The following CCDC6 variants were observed in gnomAD, a reference collection of about 807,000 sequenced individuals.
The protein encoded by CCDC6 is coiled-coil domain containing 6, also known as coiled-coil domain-containing protein 6.
Under a neutral mutation model 56.6 loss-of-function variants are expected in CCDC6, and 20 were observed. That is an observed-to-expected ratio of 0.35 (90% CI 0.25 to 0.51). The LOEUF (loss-of-function observed/expected upper bound fraction) is 0.51, where lower values mean the gene tolerates loss of function less well. Among genes scored for constraint, CCDC6 ranks in the 20% least tolerant of loss-of-function variants. CCDC6 has a pLI of 0.95. For synonymous variants in CCDC6, 241 were observed against 234.4 expected, an observed-to-expected ratio of 1.03 and a Z score of -0.26; for missense variants, 367 against 601.1, an observed-to-expected ratio of 0.61 and a Z score of 4.07.
intron 1 of CCDC6, among the ~76,000 whole-genome samples, chr10:59,864,481 A>G (rs1056823953): frequency 5.3e-5 from 8 of 152,196 alleles, no homozygotes; most frequent in African/African-American, 1.9e-4. Context: ...TTATTAATAT[A>G]CTAAGATGTG....
intron 1 of CCDC6, among the ~76,000 whole-genome samples, chr10:59,874,131 A>G (rs907391409): frequency 6.6e-6 from 1 of 151,652 alleles, no homozygotes; most frequent in African/African-American, 2.4e-5. Flanking sequence ...ACACACACAC[A>G]CACACACACA....
At chr10:59,818,400 T>C (rs1217376414) in intron 3 of CCDC6, among the ~76,000 whole-genome samples, 2 of 149,668 alleles carry the variant, frequency 1.3e-5, no homozygotes, top group African/African-American at 4.9e-5. Context: ...TTTATTTCCA[T>C]GATGCAGGCA....
At chr10:59,883,282 T>G (rs2071359596) in intron 1 of CCDC6, among the ~76,000 whole-genome samples, 1 of 152,208 alleles carries the variant, frequency 6.6e-6, no homozygotes, top group African/African-American at 2.4e-5. Flanking sequence ...AATGTGATAC[T>G]GGAAGCTATG....
At chr10:59,808,723 C>T (rs926879582) in intron 5 of CCDC6, among the ~76,000 whole-genome samples, 61 of 152,250 alleles carry the variant, frequency 4.0e-4, no homozygotes, top group African/African-American at 1.5e-3. Context: ...CATTTTTCTC[C>T]CACAGACTGA....
intron 7 of CCDC6, among the ~76,000 whole-genome samples, chr10:59,800,307 T>C (rs1319539726): frequency 1.3e-5 from 2 of 152,258 alleles, no homozygotes; most frequent in African/African-American, 4.8e-5. Flanking sequence ...TCAACCATCC[T>C]TATCCTTCTA....
intron 7 of CCDC6, among the ~76,000 whole-genome samples, chr10:59,795,788 T>C (rs940979888): frequency 5.9e-5 from 9 of 152,102 alleles, no homozygotes; most frequent in African/African-American, 1.7e-4. Flanking sequence ...CATCCATGTC[T>C]CTACAAAGGA....
In CCDC6 at chr10:59,882,473, C is replaced by CGGGG. The variant is rs763665186; in HGVS notation, c.303+23648_303+23649insCCCC. Among the ~76,000 whole-genome samples, 5 of 7,272 alleles carry CGGGG rather than the reference C, an allele frequency of 6.9e-4. 1 individual carries two copies. Among genetic ancestry groups the CGGGG allele is most frequent in the Admixed American group, 1.7e-3 (1 of 576 alleles). The allele number at this position is 7,272 out of a possible 152,430, so 4.8% of individuals were successfully genotyped here. ...GCCGGCGGGAGAAGGAAAGGAAAGC[C>CGGGG]AGGGGGAGAAGGAAAGGAAAGCCGG... is the stretch of plus-strand genomic sequence containing the variant. On this transcript the variant is annotated intron_variant, in intron 1 of 8. Transcript: ENST00000263102.
intron 3 of CCDC6, among the ~76,000 whole-genome samples, chr10:59,831,029 T>G (rs1589043344): frequency 6.6e-6 from 1 of 152,254 alleles, no homozygotes; most frequent in African/African-American, 2.4e-5. Flanking sequence ...AAATACTTGG[T>G]GTGTCAGGGA....
intron 1 of CCDC6, among the ~76,000 whole-genome samples, chr10:59,866,116 T>C (rs1253579804): frequency 2.6e-5 from 4 of 152,142 alleles, no homozygotes; most frequent in Non-Finnish European, 5.9e-5. Flanking sequence ...AGTTAACATC[T>C]GTGATGGAGA....
intron 3 of CCDC6, among the ~76,000 whole-genome samples, chr10:59,831,491 A>C (rs187340944): frequency 1.2e-4 from 18 of 152,344 alleles, no homozygotes; most frequent in African/African-American, 3.8e-4. Context: ...TGATGGAATG[A>C]GTTAACATGG....
At chr10:59,873,601 GAAAC>G (rs565913797) in intron 1 of CCDC6, among the ~76,000 whole-genome samples, 53 of 152,158 alleles carry the variant, frequency 3.5e-4, no homozygotes, top group African/African-American at 1.2e-3. Context: ...ACAGCCTTGG[GAAAC>G]AAACAGACCC....
chr10:59,848,373 G>A (rs2071011496), intron 2 of CCDC6, among the ~76,000 whole-genome samples: 1 of 152,148 alleles, frequency 6.6e-6, no homozygotes, highest in Non-Finnish European at 1.5e-5. Flanking sequence ...GTATCAATTA[G>A]TCTCTGGTAA....
chr10:59,890,292 T>C (rs926266917), intron 1 of CCDC6, among the ~76,000 whole-genome samples: 3 of 152,072 alleles, frequency 2.0e-5, no homozygotes, highest in Non-Finnish European at 4.4e-5. Flanking sequence ...ACCAGGAAGC[T>C]GGTGTGGAAG....
chr10:59,820,946 A>G (rs2070745524), intron 3 of CCDC6, among the ~76,000 whole-genome samples: 1 of 151,846 alleles, frequency 6.6e-6, no homozygotes, highest in Non-Finnish European at 1.5e-5. Context: ...AAAGCCTTTC[A>G]GCTTAGGTTA....
chr10:59,812,634 C>T lies in CCDC6; in HGVS notation c.847+1G>A. 1.9e-6 allele frequency: 3 copies of T among 1,609,368 alleles called. No homozygotes were observed. Among genetic ancestry groups the T allele is most frequent in the Non-Finnish European group, 2.5e-6 (3 of 1,176,532 alleles). On this transcript the variant is annotated splice_donor_variant, in intron 5 of 8. Transcript: ENST00000263102. LOFTEE classifies it high-confidence loss of function. ...AACTAGTGAAACCAGAGGCTACGTA[C>T]GCTGTAACTGAGCAGCTCTCAGTTG... is the stretch of plus-strand genomic sequence containing the variant.
chr10:59,824,087 G>C (rs1403921295), intron 3 of CCDC6, among the ~76,000 whole-genome samples: 1 of 152,134 alleles, frequency 6.6e-6, no homozygotes, highest in Non-Finnish European at 1.5e-5. Flanking sequence ...CCTATATGTG[G>C]CATCTGATGC....
At chr10:59,849,360 C>T (rs1221553276) in intron 2 of CCDC6, among the ~76,000 whole-genome samples, 3 of 152,138 alleles carry the variant, frequency 2.0e-5, no homozygotes, top group Non-Finnish European at 4.4e-5. Context: ...TGAGGATGAA[C>T]ACATATGGAG....
chr10:59,829,235 T>C (rs2070814875), intron 3 of CCDC6, among the ~76,000 whole-genome samples: 1 of 152,224 alleles, frequency 6.6e-6, no homozygotes, highest in Non-Finnish European at 1.5e-5. Context: ...GAAACCATGA[T>C]AACCCAAGCT....
rs141787619 is a variant in CCDC6 at position 59,839,494 on chromosome 10, T to C, written c.454-6841A>G. On this transcript the variant is annotated intron_variant, in intron 2 of 8. Coordinates refer to ENST00000263102, the MANE Select transcript of CCDC6 (RefSeq NM_005436.5). ...TGGGGGTGGGGTGGATTAATCAAGA[T>C]CTAGGACATTACCCATATATCATGG... Among the ~76,000 whole-genome samples, 350 of 152,320 alleles carry C rather than the reference T, an allele frequency of 2.3e-3. 2 individuals are homozygous for C. The highest frequency in any genetic ancestry group is 8.1e-3 in the African/African-American group (335 of 41,582).
Sources: gnomAD v4.1 joint callset for allele counts (sites outside exome capture counted in the v4.1 genomes callset) on GRCh38, gnomAD v4.1.1 for gene constraint, MANE v1.5 for transcripts, NCBI Gene and HGNC (gene_info 2026-07-23, HGNC 2026-07-21) for gene names.